The following SHROOM3 variants were observed in gnomAD, a reference collection of about 807,000 sequenced individuals.
SHROOM3 encodes the protein protein Shroom3.
In SHROOM3, 47 loss-of-function variants were observed where a neutral mutation model predicts 138.6. The ratio of observed to expected loss-of-function variants is 0.34; its 90% CI spans 0.27 to 0.43. The LOEUF is 0.43. Among genes scored for constraint, SHROOM3 ranks in the 20% least tolerant of loss-of-function variants. SHROOM3 has a pLI of 1.00. For missense variants in SHROOM3, 2,491 were observed against 2,596.5 expected, an observed-to-expected ratio of 0.96 and a Z score of 0.88; for synonymous variants, 1,062 against 1,063.3, an observed-to-expected ratio of 1.00 and a Z score of 0.02.
intron 2 of SHROOM3, among the ~76,000 whole-genome samples, chr4:76,668,221 T>C (rs1718772098): frequency 1.3e-5 from 2 of 151,742 alleles, no homozygotes; most frequent in African/African-American, 4.8e-5. Context: ...AACGATCATA[T>C]TAGTTTGAAG....
In SHROOM3 at chr4:76,770,897, G is replaced by T; in HGVS notation, c.5621G>T (p.Arg1874Met). The change falls in exon 10 of 11, where the codon AGG becomes ATG. Residue 1874 changes from arginine (R) to methionine (M), a missense_variant and splice_region_variant. Physicochemically the swap from Arg to Met is moderately conservative, Grantham distance 91. Coordinates refer to ENST00000296043, the MANE Select transcript of SHROOM3 (RefSeq NM_020859.4). ...GGTGAAGATGCCAGTAATGAAGAAA[G>T]GGTAGGTGGCCTAGTGATGCAGTTC... is the stretch of plus-strand genomic sequence containing the variant. ...GLGEDASNEE[R>M]SSLYEKRKIL... 1 of 1,614,182 alleles carries T rather than the reference G, an allele frequency of 6.2e-7. No homozygotes were observed. Among genetic ancestry groups the T allele is most frequent in the South Asian group, 1.1e-5 (1 of 91,064 alleles).
chr4:76,563,042 C>G (rs1467293299), intron 2 of SHROOM3, among the ~76,000 whole-genome samples: 2 of 152,166 alleles, frequency 1.3e-5, no homozygotes, highest in Admixed American at 1.3e-4. Flanking sequence ...GTCTGGCCAT[C>G]ATACCACGGT....
intron 1 of SHROOM3, among the ~76,000 whole-genome samples, chr4:76,516,224 C>T (rs147797153): frequency 1.3e-5 from 2 of 152,254 alleles, no homozygotes; most frequent in East Asian, 1.9e-4. Flanking sequence ...ATCTCTTCTC[C>T]GTCATTTCTC....
chr4:76,459,808 A>T (rs1348248238), intron 1 of SHROOM3, among the ~76,000 whole-genome samples: 1 of 152,224 alleles, frequency 6.6e-6, no homozygotes, highest in Non-Finnish European at 1.5e-5. Context: ...TCTGAGAAGC[A>T]GCGAGAGTGG....
intron 8 of SHROOM3, chr4:76,757,147 T>C (rs1287980959): frequency 1.4e-5 from 9 of 632,680 alleles, no homozygotes; most frequent in African/African-American, 5.5e-5. Context: ...GTAATAATTA[T>C]AATAATTGCC....
rs1322808764 is a variant in SHROOM3 at position 76,740,301 on chromosome 4, C to T, written c.2128C>T (p.Pro710Ser). The change falls in exon 5 of 11, where the codon CCT (proline) becomes TCT (serine). Residue 710 changes from proline (P) to serine (S), a missense_variant. Around this residue, in one of 4 missense-constraint regions of SHROOM3, gnomAD observed 1,733 missense variants for 1,661.6 expected, o/e 1.04. Coordinates refer to ENST00000296043, the MANE Select transcript of SHROOM3 (RefSeq NM_020859.4). This position sits in a 1 kb window ranked among gnomAD's most constrained non-coding sequence, Gnocchi z 4.0. ...KAEDPGRKAA[P>S]DLGSHLDRQV... The stretch of plus-strand genomic sequence containing the variant: ...AGAAGACCCTGGGAGGAAAGCCGCT[C>T]CTGACCTCGGGAGCCATCTGGACCG... The T allele has an allele frequency of 2.5e-6, 4 of 1,613,174 alleles. No individual in the cohort carries two copies. In the South Asian group the frequency reaches 4.4e-5, roughly 18 times the overall value.
chr4:76,520,727 G>C (rs1732546018), intron 1 of SHROOM3, among the ~76,000 whole-genome samples: 1 of 152,164 alleles, frequency 6.6e-6, no homozygotes, highest in Non-Finnish European at 1.5e-5. Flanking sequence ...TGCCTGCCAT[G>C]AACTATTAAT....
chr4:76,559,380 C>G (rs1223176731), intron 2 of SHROOM3: 1 of 152,088 alleles, frequency 6.6e-6, no homozygotes, highest in Non-Finnish European at 1.5e-5. Flanking sequence ...ACCTTTATAC[C>G]TTGGCACACG....
In SHROOM3 at chr4:76,677,764, A is replaced by G. The variant is rs570351320; in HGVS notation, c.324-32392A>G. Reference sequence around the variant, plus strand: ...AATTTTAAAAGTATATTTTTCCCCCATCTTATCTTTTCGTTTCTAGGCAAG... The same window carrying G: ...AATTTTAAAAGTATATTTTTCCCCCGTCTTATCTTTTCGTTTCTAGGCAAG... On this transcript the variant is annotated intron_variant, in intron 2 of 10. Transcript: ENST00000296043. Among the ~76,000 whole-genome samples the G allele has an allele frequency of 2.0e-3, 303 of 152,254 alleles. 1 individual carries two copies. The highest frequency in any genetic ancestry group is 7.1e-3 in the African/African-American group (294 of 41,560).
chr4:76,441,086 GTTTTTTTTT>G (rs374530154), intron 1 of SHROOM3, among the ~76,000 whole-genome samples: 1 of 82,182 alleles, frequency 1.2e-5, no homozygotes, highest in Admixed American at 2.0e-4. Context: ...AGTTCAATTT[GTTTTTTTTT>G]TTTTTTTTTT....
chr4:76,739,913 C>T lies in SHROOM3; in HGVS notation c.1740C>T (p.Gly580=). ...SLKRHLTPPQ[G]NSPHSNERKS... is the part of the protein sequence containing the mutation. ...AGAGACATCTCACACCTCCCCAAGG[C>T]AACAGCCCACATTCCAATGAGAGAA... Residue 580 remains glycine, a synonymous_variant, in exon 5 of 11, where the codon GGC becomes GGT. Coordinates refer to ENST00000296043, the MANE Select transcript of SHROOM3 (RefSeq NM_020859.4). The T allele has an allele frequency of 6.2e-7, 1 of 1,614,224 alleles. No individual in the cohort carries two copies. The highest frequency in any genetic ancestry group is 8.5e-7 in the Non-Finnish European group (1 of 1,180,050).
chr4:76,735,871 ATATATATATATATATAT>A (rs1721054526), intron 4 of SHROOM3, among the ~76,000 whole-genome samples: 1 of 18,846 alleles, frequency 5.3e-5, no homozygotes, highest in East Asian at 1.4e-3. Context: ...AAAAAAAAAT[ATATATATATATATATAT>A]ATATATATAT....
chr4:76,597,715 A>G (rs1734419593), intron 2 of SHROOM3, among the ~76,000 whole-genome samples: 3 of 152,194 alleles, frequency 2.0e-5, no homozygotes, highest in Non-Finnish European at 2.9e-5. Flanking sequence ...ATCATAGGTT[A>G]ATGAAATAAT....
chr4:76,690,346 T>C (rs1160357859), intron 2 of SHROOM3, among the ~76,000 whole-genome samples: 2 of 152,220 alleles, frequency 1.3e-5, no homozygotes, highest in African/African-American at 4.8e-5. Context: ...TCTCTTCCTC[T>C]AGGATGTATT....
intron 1 of SHROOM3, among the ~76,000 whole-genome samples, chr4:76,520,136 C>G (rs909757181): frequency 2.6e-5 from 4 of 152,194 alleles, no homozygotes; most frequent in Non-Finnish European, 5.9e-5. Flanking sequence ...TCAGATAACT[C>G]TGACCATTAA....
At chr4:76,483,673 T>TG (rs1731666800) in intron 1 of SHROOM3, among the ~76,000 whole-genome samples, 1 of 151,318 alleles carries the variant, frequency 6.6e-6, no homozygotes, top group Admixed American at 6.6e-5. Flanking sequence ...TATAAATCAT[T>TG]CTATAAAGAC....
intron 2 of SHROOM3, among the ~76,000 whole-genome samples, chr4:76,617,137 G>C (rs1176424131): frequency 6.6e-6 from 1 of 152,242 alleles, no homozygotes; most frequent in Admixed American, 6.5e-5. Context: ...AGAATCCTGG[G>C]TTCAAGTCCT....
chr4:76,737,114 A>T (rs1451214033), intron 4 of SHROOM3, among the ~76,000 whole-genome samples: 1 of 152,072 alleles, frequency 6.6e-6, no homozygotes, highest in Non-Finnish European at 1.5e-5. Flanking sequence ...GCAACCACTG[A>T]TCTTTTTATT....
At chr4:76,562,273 C>G (rs1219952565) in intron 2 of SHROOM3, among the ~76,000 whole-genome samples, 3 of 152,092 alleles carry the variant, frequency 2.0e-5, no homozygotes, top group Non-Finnish European at 2.9e-5. Flanking sequence ...TTCACCAAGA[C>G]CCTTGGGCCC....
Sources: gnomAD v4.1 joint callset for allele counts (sites outside exome capture counted in the v4.1 genomes callset) on GRCh38, gnomAD v4.1.1 for gene constraint, gnomAD v4.1.1 regional missense constraint, Gnocchi (gnomAD v3.1) non-coding constraint, MANE v1.5 for transcripts, NCBI Gene and HGNC (gene_info 2026-07-23, HGNC 2026-07-21) for gene names.